ADGRV1: variants seen among roughly 807,000 people sequenced by gnomAD.
The protein encoded by ADGRV1 is adhesion G protein-coupled receptor V1, also known as G-protein coupled receptor 98.
ADGRV1 carries 359 observed loss-of-function variants against 596.2 expected under a neutral mutation model. The observed-to-expected ratio is 0.60, with a 90% CI of 0.55 to 0.66. ADGRV1 has a LOEUF of 0.66. Ranked by LOEUF, ADGRV1 falls within the 30% of genes least tolerant of loss-of-function variation. ADGRV1 has a pLI of 0.00. For missense variants in ADGRV1, 7,274 were observed against 7,575.6 expected, an observed-to-expected ratio of 0.96 and a Z score of 1.48; for synonymous variants, 2,681 against 2,679.2, an observed-to-expected ratio of 1.00 and a Z score of -0.02.
chr5:91,138,808 G>C (rs1314968106), intron 87 of ADGRV1, among the ~76,000 whole-genome samples: 2 of 143,786 alleles, frequency 1.4e-5, no homozygotes, highest in African/African-American at 5.2e-5. Flanking sequence ...GACTCACTCT[G>C]TTACCTGGGC....
At chr5:91,115,656 A>G (rs745375328) in intron 87 of ADGRV1, among the ~76,000 whole-genome samples, 5 of 152,174 alleles carry the variant, frequency 3.3e-5, no homozygotes, top group Non-Finnish European at 7.3e-5. Flanking sequence ...ACAATAGGGA[A>G]AACAGACTGG....
intron 85 of ADGRV1, among the ~76,000 whole-genome samples, chr5:91,051,165 T>C (rs766541654): frequency 9.8e-4 from 149 of 152,354 alleles, no homozygotes; most frequent in African/African-American, 1.7e-3. Context: ...TTTAAATGTA[T>C]GAATTTCATC....
Position 90,686,036 on chromosome 5 carries a change from G to A in ADGRV1, c.6490+41G>A, listed in dbSNP as rs377073983. 8.6e-5 allele frequency: 114 copies of A among 1,327,768 alleles called. 1 individual carries two copies. The African/African-American group carries it at 1.1e-3, about 12-fold the overall frequency. 82.2% of individuals were successfully genotyped at this position (1,327,768 alleles called of 1,614,324 possible). A position where few individuals can be genotyped will look rare whatever the true frequency, so the allele number is the denominator to read the frequency against. On this transcript the variant is annotated intron_variant, in intron 29 of 89. Coordinates refer to ENST00000405460, the MANE Select transcript of ADGRV1 (RefSeq NM_032119.4). The stretch of plus-strand genomic sequence containing the variant: ...TAAAAAGCAGTACATACAGAGGGAT[G>A]TAAGCACAGAGGGACATGTATCCTT...
chr5:90,890,872 G>C (rs763134790), intron 83 of ADGRV1, among the ~76,000 whole-genome samples: 2 of 151,812 alleles, frequency 1.3e-5, no homozygotes, highest in Non-Finnish European at 2.9e-5. Flanking sequence ...TTTTTTATCT[G>C]CTGATTTTAA....
chr5:90,784,681 A>T (rs1167042524), intron 67 of ADGRV1, among the ~76,000 whole-genome samples: 2 of 152,156 alleles, frequency 1.3e-5, no homozygotes, highest in Non-Finnish European at 1.5e-5. Context: ...ATAACAGCAC[A>T]GGATAGACCA....
intron 87 of ADGRV1, among the ~76,000 whole-genome samples, chr5:91,105,159 G>A (rs529918172): frequency 4.6e-5 from 7 of 152,174 alleles, no homozygotes; most frequent in South Asian, 2.1e-4. Context: ...ATGAGCCACC[G>A]CACCCAGCTG....
intron 87 of ADGRV1, among the ~76,000 whole-genome samples, chr5:91,148,248 A>G (rs1158771892): frequency 1.3e-5 from 2 of 152,200 alleles, no homozygotes; most frequent in African/African-American, 4.8e-5. Context: ...CCAAATGTTA[A>G]TCGCCAAGAC....
chr5:90,976,322 G>A (rs549383822), intron 84 of ADGRV1, among the ~76,000 whole-genome samples: 18,151 of 107,636 alleles, frequency 0.17, 1,473 homozygotes, highest in East Asian at 0.2. Flanking sequence ...GTGTGTGTGT[G>A]TATATATATA....
At chr5:90,966,123 G>T (rs1447591635) in intron 84 of ADGRV1, among the ~76,000 whole-genome samples, 1 of 152,158 alleles carries the variant, frequency 6.6e-6, no homozygotes. Flanking sequence ...TTCTGGCCGG[G>T]TATCTGGTGG....
Position 90,683,698 on chromosome 5 carries a change from A to G in ADGRV1, c.5777A>G (p.Gln1926Arg). 3.7e-6 allele frequency: 6 copies of G among 1,613,950 alleles called. No homozygotes were observed. In the Middle Eastern group the frequency reaches 6.6e-4, roughly 177 times the overall value. Residue 1926 changes from glutamine (Q) to arginine (R), a missense_variant, in exon 28 of 90, where the codon CAG becomes CGG. This residue lies in a region of ADGRV1 where 3,643 missense variants were observed against 3,809.2 expected (regional missense o/e 0.96). Coordinates refer to ENST00000405460, the MANE Select transcript of ADGRV1 (RefSeq NM_032119.4). ...GGCAACATCACATTTGAGATTGGGC[A>G]GACGAGCGCCAATATCACTGTGGAG... ...TSGNITFEIG[Q>R]TSANITVEIL...
chr5:91,041,536 G>C (rs199738762), intron 85 of ADGRV1, among the ~76,000 whole-genome samples: 12,371 of 151,856 alleles, frequency 0.081, 864 homozygotes, highest in Admixed American at 0.22. Context: ...ACCTAATGTA[G>C]ATGACGGGTT....
intron 33 of ADGRV1, among the ~76,000 whole-genome samples, chr5:90,696,222 G>A (rs1406322780): frequency 6.6e-6 from 1 of 152,148 alleles, no homozygotes; most frequent in Non-Finnish European, 1.5e-5. Flanking sequence ...ATGGCAGAAA[G>A]TATTGGATTT....
At chr5:91,117,940 T>C (rs548579544) in intron 87 of ADGRV1, among the ~76,000 whole-genome samples, 1 of 152,306 alleles carries the variant, frequency 6.6e-6, no homozygotes, top group South Asian at 2.1e-4. Flanking sequence ...AGCATGGCCA[T>C]GTGTGCAAAG....
intron 33 of ADGRV1, 72 bp downstream of exon 33, chr5:90,694,773 T>G: frequency 1.5e-6 from 2 of 1,319,824 alleles, no homozygotes; most frequent in Non-Finnish European, 2.1e-6. Context: ...TGATAAAATT[T>G]ATAAGAATTC....
At chr5:90,968,046 C>T (rs6879563) in intron 84 of ADGRV1, among the ~76,000 whole-genome samples, 76,123 of 151,924 alleles carry the variant, frequency 0.5, 20,668 homozygotes, top group African/African-American at 0.71. Context: ...AAAACAACCC[C>T]CTAAGAAACT....
intron 76 of ADGRV1, 72 bp downstream of exon 76, chr5:90,823,668 C>T (rs1763812093): frequency 7.6e-7 from 1 of 1,316,948 alleles, no homozygotes; most frequent in Admixed American, 1.9e-5. Flanking sequence ...TTTAAAACCA[C>T]TATTGAAACT....
At chr5:90,655,033 TA>T (rs1375968771) in intron 20 of ADGRV1, 2 of 152,192 alleles carry the variant, frequency 1.3e-5, no homozygotes, top group African/African-American at 2.4e-5. Context: ...TATGTAAAGT[TA>T]TTGAACTGTA....
chr5:90,835,364 CTT>C (rs1764887969), intron 77 of ADGRV1, among the ~76,000 whole-genome samples: 1 of 152,186 alleles, frequency 6.6e-6, no homozygotes, highest in African/African-American at 2.4e-5. Context: ...GGCAGAGACT[CTT>C]GTTTTCTTCC....
Position 90,778,755 on chromosome 5 carries a change from A to G in ADGRV1, c.12850-110A>G. ...AACATATAATCTATATAATTTTATA[A>G]CCTTATATGTAATTTTAACACAATC... On this transcript the variant is annotated intron_variant, in intron 63 of 89. Coordinates refer to ENST00000405460, the MANE Select transcript of ADGRV1 (RefSeq NM_032119.4). 7 of 1,067,466 alleles carry G rather than the reference A, an allele frequency of 6.6e-6. No homozygotes were observed. In the South Asian group the frequency reaches 1.2e-4, roughly 18 times the overall value. The allele number at this position is 1,067,466 out of a possible 1,614,324, so 66.1% of individuals were successfully genotyped here.
Sources: gnomAD v4.1 joint callset for allele counts (sites outside exome capture counted in the v4.1 genomes callset) on GRCh38, gnomAD v4.1.1 for gene constraint, gnomAD v4.1.1 regional missense constraint, MANE v1.5 for transcripts, NCBI Gene and HGNC (gene_info 2026-07-23, HGNC 2026-07-21) for gene names.